The following PLEKHA6 variants were observed in gnomAD, a reference collection of about 807,000 sequenced individuals.
The protein encoded by PLEKHA6 is pleckstrin homology domain containing A6.
PLEKHA6 carries 60 observed loss-of-function variants against 116.7 expected under a neutral mutation model. The ratio of observed to expected loss-of-function variants is 0.51; its 90% confidence interval spans 0.42 to 0.64. PLEKHA6 has a LOEUF of 0.64. PLEKHA6 is among the 30% of genes least tolerant of loss of function. PLEKHA6 has a pLI of 0.00. For missense variants in PLEKHA6, 1,338 were observed against 1,422.7 expected (o/e 0.94, Z 0.96); for synonymous variants, 489 against 556.1 (o/e 0.88, Z 1.70).
chr1:204,263,183 A>G (rs1368735975), intron 6 of PLEKHA6, among the ~76,000 whole-genome samples: 1 of 152,192 alleles, frequency 6.6e-6, no homozygotes, highest in Non-Finnish European at 1.5e-5. Flanking sequence ...AAGTGCTGTG[A>G]CAGGAGAAGG....
At chr1:204,353,086 C>A (rs1673330057) in intron 1 of PLEKHA6, among the ~76,000 whole-genome samples, 1 of 152,174 alleles carries the variant, frequency 6.6e-6, no homozygotes, top group African/African-American at 2.4e-5. Flanking sequence ...AATGGTAGGG[C>A]CAGGCTCCCA....
At chr1:204,327,208 T>C in intron 1 of PLEKHA6, among the ~76,000 whole-genome samples, 1 of 152,260 alleles carries the variant, frequency 6.6e-6, no homozygotes, top group East Asian at 1.9e-4. Flanking sequence ...TTGTTCACTT[T>C]GCACCATTCT....
chr1:204,348,898 A>G (rs1184249722), intron 1 of PLEKHA6, among the ~76,000 whole-genome samples: 1 of 152,192 alleles, frequency 6.6e-6, no homozygotes, highest in African/African-American at 2.4e-5. Flanking sequence ...TGAGGCCTCT[A>G]GGCATGGCCT....
At chr1:204,272,081 A>T (rs1224147286) in intron 3 of PLEKHA6, among the ~76,000 whole-genome samples, 4 of 151,966 alleles carry the variant, frequency 2.6e-5, no homozygotes, top group African/African-American at 9.7e-5. Flanking sequence ...CACATGTATC[A>T]CGTATTTTCA....
At position 204,305,248 on chromosome 1, in the gene PLEKHA6, T is replaced by C. The variant is rs114663898; in HGVS notation, c.-94-30439A>G. Among the ~76,000 whole-genome samples, 762 of 152,262 alleles carry C rather than the reference T, an allele frequency of 5.0e-3. 4 individuals carry two copies. Among genetic ancestry groups the C allele is most frequent in the Non-Finnish European group, 8.3e-3 (566 of 67,992 alleles). On this transcript the variant is annotated intron_variant, in intron 1 of 22. Coordinates refer to ENST00000272203, the MANE Select transcript of PLEKHA6 (RefSeq NM_014935.5). ...CCTATCACTGCTTCTTTCTCATTAC[T>C]CTGATGCAGAAAGTATGGGGGATGA...
At chr1:204,322,247 T>A (rs2103229541) in intron 1 of PLEKHA6, among the ~76,000 whole-genome samples, 1 of 152,262 alleles carries the variant, frequency 6.6e-6, no homozygotes, top group South Asian at 2.1e-4. Flanking sequence ...CCCTTTAGTC[T>A]CATGCTGCCC....
At chr1:204,311,195 A>G (rs1268678786) in intron 1 of PLEKHA6, among the ~76,000 whole-genome samples, 1 of 152,206 alleles carries the variant, frequency 6.6e-6, no homozygotes, top group Admixed American at 6.5e-5. Flanking sequence ...CCATTGTTGA[A>G]GAGTGCTGTT....
chr1:204,246,069 G>A (rs1011341158), intron 13 of PLEKHA6, among the ~76,000 whole-genome samples: 7 of 152,248 alleles, frequency 4.6e-5, no homozygotes, highest in East Asian at 1.9e-4. Flanking sequence ...CCTGTTTTTC[G>A]TGGGGCAAGA....
intron 17 of PLEKHA6, among the ~76,000 whole-genome samples, chr1:204,237,732 C>T (rs1662261611): frequency 6.6e-6 from 1 of 152,196 alleles, no homozygotes; most frequent in African/African-American, 2.4e-5. Flanking sequence ...CTTTACTGTC[C>T]TACCTCAGGG....
intron 1 of PLEKHA6, among the ~76,000 whole-genome samples, chr1:204,291,501 A>T (rs1169484224): frequency 6.6e-6 from 1 of 152,254 alleles, no homozygotes; most frequent in East Asian, 1.9e-4. Context: ...CTTATTTGTG[A>T]CAGCCCCAAA....
intron 17 of PLEKHA6, among the ~76,000 whole-genome samples, chr1:204,234,949 G>C (rs12064674): frequency 0.61 from 68,971 of 112,414 alleles, 20,974 homozygotes; most frequent in African/African-American, 0.73. Context: ...TTAATAAACT[G>C]CCCTTTATAT....
intron 21 of PLEKHA6, among the ~76,000 whole-genome samples, chr1:204,226,855 T>C (rs965019581): frequency 6.6e-6 from 1 of 152,236 alleles, no homozygotes; most frequent in African/African-American, 2.4e-5. Flanking sequence ...TTCTACTTCA[T>C]CTATTGCTAT....
At chr1:204,248,738 T>C in intron 12 of PLEKHA6, 83 bp downstream of exon 12, 1 of 1,323,716 alleles carries the variant, frequency 7.6e-7, no homozygotes, top group Non-Finnish European at 1.1e-6. Flanking sequence ...AAAACTGGAC[T>C]AGGACAGCAC....
At position 204,274,781 on chromosome 1, in the gene PLEKHA6, G is replaced by T. The variant is rs1667837387; in HGVS notation, c.-66C>A. On this transcript the variant is annotated 5_prime_UTR_variant, in exon 2 of 23. It introduces an in-frame stop codon into an upstream open reading frame of the 5' UTR. Coordinates refer to ENST00000272203, the MANE Select transcript of PLEKHA6 (RefSeq NM_014935.5). ...TCTGGGACCTGGCCAGTCACTGGGT[G>T]TAGAAATGTGTTCCGTCTTTCATTG... is the stretch of plus-strand genomic sequence containing the variant. The T allele has an allele frequency of 1.0e-6, 1 of 985,758 alleles. No homozygotes were observed. Among genetic ancestry groups the T allele is most frequent in the South Asian group, 4.7e-5 (1 of 21,294 alleles). The allele number at this position is 985,758 out of a possible 1,614,324, so 61.1% of individuals were successfully genotyped here.
chr1:204,309,688 G>A, intron 1 of PLEKHA6: 1 of 912,156 alleles, frequency 1.1e-6, no homozygotes, highest in Non-Finnish European at 1.3e-6. Context: ...TATTGAGAAG[G>A]AACTGTACAA....
Position 204,257,028 on chromosome 1 carries a change from C to T in PLEKHA6, c.1524+325G>A. 1 of 586,918 alleles carries T rather than the reference C, an allele frequency of 1.7e-6. No homozygotes were observed. The highest frequency in any genetic ancestry group is 2.8e-5 in the East Asian group (1 of 35,356). The allele number at this position is 586,918 out of a possible 1,614,324, so 36.4% of individuals were successfully genotyped here. On this transcript the variant is annotated intron_variant, in intron 9 of 22. Transcript: ENST00000272203. This position sits in a 1 kb window ranked among gnomAD's most constrained non-coding sequence, Gnocchi z 6.5. ...CTGAAATGGACAGCAGCCCCCCTTG[C>T]AATGATCTGTCCAGGTCCTCAAGAT...
At chr1:204,295,867 C>A (rs780551573) in intron 1 of PLEKHA6, among the ~76,000 whole-genome samples, 1 of 152,178 alleles carries the variant, frequency 6.6e-6, no homozygotes, top group Non-Finnish European at 1.5e-5. Context: ...TGAGCCAACA[C>A]GAGCCTCCTG....
intron 1 of PLEKHA6, among the ~76,000 whole-genome samples, chr1:204,357,097 G>T (rs114708284): frequency 6.6e-6 from 1 of 152,210 alleles, no homozygotes; most frequent in African/African-American, 2.4e-5. Context: ...CCACGTAAAA[G>T]AGAGAGGTGA....
intron 1 of PLEKHA6, among the ~76,000 whole-genome samples, chr1:204,334,645 T>C (rs953623488): frequency 2.0e-5 from 3 of 152,166 alleles, no homozygotes; most frequent in Non-Finnish European, 4.4e-5. Context: ...ATGCCTGTCA[T>C]CCCAGCACTT....
Sources: allele counts gnomAD v4.1 joint callset (sites outside exome capture counted in the v4.1 genomes callset), GRCh38; gene constraint gnomAD v4.1.1; non-coding constraint Gnocchi (gnomAD v3.1); transcripts MANE v1.5; gene names NCBI Gene and HGNC (gene_info 2026-07-23, HGNC 2026-07-21).